The following NUP50 variants were observed in gnomAD, a reference collection of about 807,000 sequenced individuals.
The protein encoded by NUP50 is nuclear pore complex protein Nup50.
Under a neutral mutation model 36.8 loss-of-function variants are expected in NUP50, and 14 were observed. The ratio of observed to expected loss-of-function variants is 0.38; its 90% CI spans 0.25 to 0.59. NUP50 has a LOEUF of 0.59. Among genes scored for constraint, NUP50 ranks in the 20% least tolerant of loss-of-function variants. NUP50 has a pLI of 0.63. For synonymous variants in NUP50, 195 were observed against 210.8 expected, an observed-to-expected ratio of 0.93 and a Z score of 0.65; for missense variants, 455 against 564.6, an observed-to-expected ratio of 0.81 and a Z score of 1.97.
At chr22:45,172,210 C>A (rs1256451008) in intron 3 of NUP50, 1 of 153,550 alleles carries the variant, frequency 6.5e-6, no homozygotes, top group Non-Finnish European at 1.5e-5. Context: ...AAGAACTCGT[C>A]CCCAGTACAT....
At chr22:45,178,152 A>G in intron 4 of NUP50, 86 bp from the exon 5 acceptor site, 2 of 1,215,362 alleles carry the variant, frequency 1.6e-6, no homozygotes, top group Non-Finnish European at 2.4e-6. Context: ...GTAAAAGCAG[A>G]AAGTATGAAG....
chr22:45,171,841 A>C (rs1456105734), intron 3 of NUP50, 158 bp downstream of exon 3: 2 of 599,446 alleles, frequency 3.3e-6, no homozygotes, highest in Non-Finnish European at 5.9e-6. Flanking sequence ...AAGAAACGTC[A>C]GGTCTGGACC....
chr22:45,173,098 A>G (rs1014654396), intron 3 of NUP50, among the ~76,000 whole-genome samples: 2 of 152,220 alleles, frequency 1.3e-5, no homozygotes, highest in African/African-American at 4.8e-5. Flanking sequence ...TCTTTCATGT[A>G]GAATTCAGGT....
intron 1 of NUP50, among the ~76,000 whole-genome samples, chr22:45,167,144 T>C (rs1193865513): frequency 6.6e-6 from 1 of 152,118 alleles, no homozygotes; most frequent in Non-Finnish European, 1.5e-5. Context: ...TGTATTGTGG[T>C]GTTGAGAGCA....
intron 7 of NUP50, chr22:45,183,829 A>G (rs1601792744): frequency 3.4e-6 from 1 of 293,354 alleles, no homozygotes; most frequent in East Asian, 7.9e-5. Flanking sequence ...TCCTTTTTAT[A>G]TAGCAAGTAA....
Position 45,181,282 on chromosome 22 carries a change from A to G in NUP50, c.1004-4A>G, listed in dbSNP as rs1346269630. 4.4e-6 allele frequency: 7 copies of G among 1,580,828 alleles called. No individual in the cohort carries two copies. Among genetic ancestry groups the G allele is most frequent in the African/African-American group, 2.8e-5 (2 of 72,710 alleles). ...TTACTGAATTATTGTCATTTTTATAAAAGGTGGAGATGAAGAAGAGAATGA... is the reference window on the plus strand; with the variant it reads ...TTACTGAATTATTGTCATTTTTATAGAAGGTGGAGATGAAGAAGAGAATGA... On this transcript the variant is annotated splice_region_variant and splice_polypyrimidine_tract_variant and intron_variant, in intron 5 of 7. Transcript: ENST00000347635.
Position 45,176,070 on chromosome 22 carries a change from G to T in NUP50, c.330G>T (p.Lys110Asn), listed in dbSNP as rs1433925097. 1 of 1,613,200 alleles carries T rather than the reference G, an allele frequency of 6.2e-7. No homozygotes were observed. The highest frequency in any genetic ancestry group is 8.5e-7 in the Non-Finnish European group (1 of 1,179,282). The change falls in exon 4 of 8, where the codon AAG (lysine) becomes AAT (asparagine). Residue 110 changes from lysine (K) to asparagine (N), a missense_variant. Coordinates refer to ENST00000347635, the MANE Select transcript of NUP50 (RefSeq NM_007172.4). ...GTGCAAAGGCAGCGGCAGATCCCAAGGTAGCCTTTGGTAAGTAGCTCCCAT... is the reference window on the plus strand; with the variant it reads ...GTGCAAAGGCAGCGGCAGATCCCAATGTAGCCTTTGGTAAGTAGCTCCCAT... ...FASAKAAADP[K>N]VAFGSLAANG...
At chr22:45,175,214 C>T (rs1452876334) in intron 3 of NUP50, among the ~76,000 whole-genome samples, 2 of 152,130 alleles carry the variant, frequency 1.3e-5, no homozygotes. Context: ...TACGGAATGC[C>T]ACACATTTCC....
chr22:45,175,811 A>G (rs927618819), intron 3 of NUP50, 83 bp from the exon 4 acceptor site: 11 of 1,387,582 alleles, frequency 7.9e-6, no homozygotes, highest in South Asian at 2.6e-5. Context: ...GGTGCTGTTT[A>G]GCCAAGATGC....
chr22:45,177,156 A>G (rs2074289170), intron 4 of NUP50, among the ~76,000 whole-genome samples: 1 of 152,060 alleles, frequency 6.6e-6, no homozygotes, highest in South Asian at 2.1e-4. Flanking sequence ...AGGAAAAGTG[A>G]GTGTTCGTAT....
chr22:45,175,669 C>T (rs73432293), intron 3 of NUP50: 5,476 of 440,816 alleles, frequency 0.012, 277 homozygotes, highest in African/African-American at 0.1. Flanking sequence ...TTTTAAATGT[C>T]CTTCCTGCCT....
intron 2 of NUP50, chr22:45,170,904 T>C (rs886815217): frequency 4.7e-6 from 5 of 1,054,518 alleles, no homozygotes; most frequent in East Asian, 6.3e-5. Flanking sequence ...TCTATGAGTG[T>C]AGGAGCCCGT....
At chr22:45,176,998 C>T (rs2074286641) in intron 4 of NUP50, among the ~76,000 whole-genome samples, 1 of 152,048 alleles carries the variant, frequency 6.6e-6, no homozygotes, top group Admixed American at 6.5e-5. Context: ...CCTTGGCCTC[C>T]CAAAGTGCTG....
chr22:45,184,728 TTCTTC>T lies in NUP50; in HGVS notation c.*80_*84del, dbSNP rs2074442892. The stretch of plus-strand genomic sequence containing the variant: ...ACCGCCCCTTAAAGTTAGTCAGTTT[TTCTTC>T]TCTTCTTTGACATTCTAAGAACTTA... On this transcript the variant is annotated 3_prime_UTR_variant, in exon 8 of 8. Coordinates refer to ENST00000347635, the MANE Select transcript of NUP50 (RefSeq NM_007172.4). 3 of 1,099,542 alleles carry T rather than the reference TTCTTC, an allele frequency of 2.7e-6. No individual in the cohort carries two copies. The highest frequency in any genetic ancestry group is 1.3e-5 in the South Asian group (1 of 75,920). 68.1% of individuals were successfully genotyped at this position (1,099,542 alleles called of 1,614,324 possible). A position where few individuals can be genotyped will look rare whatever the true frequency, so the allele number is the denominator to read the frequency against.
At chr22:45,168,539 A>C (rs75344657) in intron 2 of NUP50, among the ~76,000 whole-genome samples, 1 of 152,150 alleles carries the variant, frequency 6.6e-6, no homozygotes, top group Non-Finnish European at 1.5e-5. Flanking sequence ...TGAGTTTCGT[A>C]TACTTGAAGC....
Position 45,185,747 on chromosome 22 carries a change from G to A in NUP50, c.*1092G>A, listed in dbSNP as rs754956260. 6.6e-6 allele frequency: 1 copy of A among 152,208 alleles called. No homozygotes were observed. The highest frequency in any genetic ancestry group is 1.5e-5 in the Non-Finnish European group (1 of 68,032). 9.4% of individuals were successfully genotyped at this position (152,208 alleles called of 1,614,324 possible). On this transcript the variant is annotated 3_prime_UTR_variant, in exon 8 of 8. Coordinates refer to ENST00000347635, the MANE Select transcript of NUP50 (RefSeq NM_007172.4). ...ATATGTCTGTCTGGAAGGGAGCCATGGTTATTCACACGAATATCCCTGTCA... is the reference window on the plus strand; with the variant it reads ...ATATGTCTGTCTGGAAGGGAGCCATAGTTATTCACACGAATATCCCTGTCA...
rs1316420300 is a variant in NUP50 at position 45,171,061 on chromosome 22, A to G, written c.70-539A>G. 6 of 1,303,378 alleles carry G rather than the reference A, an allele frequency of 4.6e-6. No individual in the cohort carries two copies. In the African/African-American group the frequency reaches 6.1e-5, roughly 13 times the overall value. 80.7% of individuals were successfully genotyped at this position (1,303,378 alleles called of 1,614,324 possible). ...TGACGTGGACATCAGAAGTGTGGAC[A>G]TGAGTGTGCTTTGAGCGCACTGTGG... On this transcript the variant is annotated intron_variant, in intron 2 of 7. Coordinates refer to ENST00000347635, the MANE Select transcript of NUP50 (RefSeq NM_007172.4).
At chr22:45,167,713 T>G (rs1433018697) in intron 1 of NUP50, among the ~76,000 whole-genome samples, 1 of 152,246 alleles carries the variant, frequency 6.6e-6, no homozygotes, top group African/African-American at 2.4e-5. Flanking sequence ...GTATTCTTAC[T>G]GAAAGATACA....
chr22:45,167,532 T>C (rs987085720), intron 1 of NUP50, among the ~76,000 whole-genome samples: 1 of 152,182 alleles, frequency 6.6e-6, no homozygotes, highest in Non-Finnish European at 1.5e-5. Flanking sequence ...TGAAAGGTTA[T>C]AAGTTCCCAG....
Sources: allele counts gnomAD v4.1 joint callset (sites outside exome capture counted in the v4.1 genomes callset), GRCh38; gene constraint gnomAD v4.1.1; transcripts MANE v1.5; gene names NCBI Gene and HGNC (gene_info 2026-07-23, HGNC 2026-07-21).